CCDC7: variants seen among roughly 807,000 people sequenced by gnomAD.
CCDC7 encodes the protein coiled-coil domain-containing protein 7.
A neutral mutation model predicts 196.9 loss-of-function variants in CCDC7; 183 were observed. The observed-to-expected ratio is 0.93, with a 90% confidence interval of 0.82 to 1.05. The LOEUF is 1.05. CCDC7 is among the 50% of genes least tolerant of loss of function. CCDC7 has a pLI of 0.00. For missense variants in CCDC7, 1,540 were observed against 1,482.2 expected (o/e 1.04, Z -0.64); for synonymous variants, 525 against 484.6 (o/e 1.08, Z -1.10).
chr10:32,694,589 A>G (rs2077472016), intron 23 of CCDC7, among the ~76,000 whole-genome samples: 1 of 152,274 alleles, frequency 6.6e-6, no homozygotes, highest in African/African-American at 2.4e-5. Context: ...GTACCTATGC[A>G]TTTTTATTTT....
At chr10:32,806,572 A>T (rs2085908712) in intron 30 of CCDC7, among the ~76,000 whole-genome samples, 1 of 152,202 alleles carries the variant, frequency 6.6e-6, no homozygotes, top group Admixed American at 6.5e-5. Context: ...GGCCACATGG[A>T]AATTACAGTG....
At chr10:32,854,590 A>G (rs2093680859) in intron 41 of CCDC7, 101 bp downstream of exon 42, 1 of 724,666 alleles carries the variant, frequency 1.4e-6, no homozygotes, top group Non-Finnish European at 2.3e-6. Flanking sequence ...TCCTTCTTCA[A>G]ACAACCAACC....
At chr10:32,698,847 CAG>C (rs1335126983) in intron 24 of CCDC7, among the ~76,000 whole-genome samples, 1 of 152,152 alleles carries the variant, frequency 6.6e-6, no homozygotes, top group Admixed American at 6.5e-5. Flanking sequence ...TCAGGAAACA[CAG>C]AGAACGCCAC....
intron 8 of CCDC7, 76 bp from the exon 10 acceptor site, chr10:32,491,846 G>T: frequency 7.4e-7 from 1 of 1,345,988 alleles, no homozygotes; most frequent in Non-Finnish European, 9.9e-7. Context: ...CACATCTATA[G>T]CAGTTATATT....
At chr10:32,855,027 G>A (rs1376224739) in intron 41 of CCDC7, among the ~76,000 whole-genome samples, 2 of 152,114 alleles carry the variant, frequency 1.3e-5, no homozygotes, top group East Asian at 3.8e-4. Context: ...AGCTCTGCTA[G>A]TAAATGCATG....
At chr10:32,674,737 G>A (rs1042925272) in intron 21 of CCDC7, among the ~76,000 whole-genome samples, 9 of 152,018 alleles carry the variant, frequency 5.9e-5, no homozygotes, top group Non-Finnish European at 1.0e-4. Flanking sequence ...GTGCTCTGAC[G>A]TTGGACACAG....
rs113101393 is a variant in CCDC7 at position 32,627,838 on chromosome 10, C to T, written c.1802-6416C>T. ...ATTTATTGATTTGTATGTATTGAACCTTTTATGCATCCCTAGGATAAATCT... is the reference window on the plus strand; with the variant it reads ...ATTTATTGATTTGTATGTATTGAACTTTTTATGCATCCCTAGGATAAATCT... On this transcript the variant is annotated intron_variant, in intron 18 of 41. Coordinates refer to ENST00000639629, the Ensembl canonical transcript of CCDC7. Among the ~76,000 whole-genome samples the T allele has an allele frequency of 5.9e-5, 9 of 151,760 alleles. No individual in the cohort carries two copies. The South Asian group carries it at 6.2e-4, about 10-fold the overall frequency.
intron 18 of CCDC7, among the ~76,000 whole-genome samples, chr10:32,599,230 A>AT (rs1419859645): frequency 6.6e-6 from 1 of 151,916 alleles, no homozygotes; most frequent in South Asian, 2.1e-4. Context: ...GCCATGCCAG[A>AT]TTTTTTTTGT....
intron 18 of CCDC7, among the ~76,000 whole-genome samples, chr10:32,595,174 G>T (rs1220742387): frequency 6.6e-6 from 1 of 152,166 alleles, no homozygotes; most frequent in Non-Finnish European, 1.5e-5. Context: ...GAATCTGTCT[G>T]GTCCTGGACT....
chr10:32,746,317 A>G (rs1034987378), intron 28 of CCDC7, among the ~76,000 whole-genome samples: 1 of 152,158 alleles, frequency 6.6e-6, no homozygotes, highest in African/African-American at 2.4e-5. Flanking sequence ...TTATCTCACC[A>G]TGCACCTCCA....
intron 20 of CCDC7, among the ~76,000 whole-genome samples, chr10:32,662,653 G>A (rs978537072): frequency 1.3e-5 from 2 of 152,156 alleles, no homozygotes; most frequent in African/African-American, 4.8e-5. Flanking sequence ...CCAGGAGTGA[G>A]TGCCCAGTTA....
chr10:32,504,970 C>T lies in CCDC7; in HGVS notation c.872+12973C>T, dbSNP rs187822307. 4.5e-3 allele frequency among the ~76,000 whole-genome samples: 689 copies of T among 152,212 alleles called. 5 individuals carry two copies. The highest frequency in any genetic ancestry group is 5.7e-3 in the Non-Finnish European group (385 of 68,020). ...CGATGTTTCCGTATTCATTTGTTGT[C>T]TGGATGAACTGTCTATTGTTGTAAA... On this transcript the variant is annotated intron_variant, in intron 9 of 41. Transcript: ENST00000639629.
At chr10:32,486,828 C>A (rs1193096454) in intron 8 of CCDC7, among the ~76,000 whole-genome samples, 2 of 151,648 alleles carry the variant, frequency 1.3e-5, no homozygotes, top group Middle Eastern at 3.2e-3. Flanking sequence ...CCCCCACTCT[C>A]TTCTGGCTTG....
chr10:32,743,999 G>T (rs1392160049), intron 28 of CCDC7, among the ~76,000 whole-genome samples: 2 of 100,724 alleles, frequency 2.0e-5, no homozygotes, highest in Non-Finnish European at 3.7e-5. Flanking sequence ...GGGGTGGGGG[G>T]AGGGGGGAGG....
intron 20 of CCDC7, among the ~76,000 whole-genome samples, chr10:32,662,029 A>T (rs7904641): frequency 0.14 from 21,827 of 151,920 alleles, 1,909 homozygotes; most frequent in African/African-American, 0.25. Flanking sequence ...GCTTGCCAGA[A>T]CTCAAGTTCC....
intron 29 of CCDC7, among the ~76,000 whole-genome samples, chr10:32,779,334 A>C (rs1482627447): frequency 6.6e-6 from 1 of 152,216 alleles, no homozygotes; most frequent in Non-Finnish European, 1.5e-5. Context: ...AACAAAATAC[A>C]TATAGGCTTT....
intron 41 of CCDC7, among the ~76,000 whole-genome samples, chr10:32,872,451 T>C (rs529811141): frequency 1.3e-5 from 2 of 151,996 alleles, no homozygotes; most frequent in South Asian, 2.1e-4. Flanking sequence ...TGAGATGGGT[T>C]TCCTGAATAC....
At chr10:32,772,307 C>A (rs902807382) in intron 28 of CCDC7, among the ~76,000 whole-genome samples, 1 of 152,146 alleles carries the variant, frequency 6.6e-6, no homozygotes, top group African/African-American at 2.4e-5. Context: ...TTTGGTGAGG[C>A]AGATCCACTC....
chr10:32,568,124 C>T (rs180679493), intron 15 of CCDC7, among the ~76,000 whole-genome samples: 148 of 150,744 alleles, frequency 9.8e-4, no homozygotes, highest in African/African-American at 3.2e-3. Context: ...CTCCTGCCTC[C>T]GCCTCCTGAG....
Sources: gnomAD v4.1 joint callset for allele counts (sites outside exome capture counted in the v4.1 genomes callset) on GRCh38, gnomAD v4.1.1 for gene constraint, MANE v1.5 for transcripts, NCBI Gene and HGNC (gene_info 2026-07-23, HGNC 2026-07-21) for gene names.